The following PDLIM7 variants were observed in gnomAD, a reference collection of about 807,000 sequenced individuals.
PDLIM7 encodes the protein PDZ and LIM domain protein 7.
A neutral mutation model predicts 53.9 loss-of-function variants in PDLIM7; 37 were observed. The ratio of observed to expected loss-of-function variants is 0.69; its 90% CI spans 0.53 to 0.90. The LOEUF (loss-of-function observed/expected upper bound fraction) is 0.90. Ranked by LOEUF, PDLIM7 falls within the 40% of genes least tolerant of loss-of-function variation. The probability of loss-of-function intolerance (pLI) is 0.00; values close to 1 mark genes in which losing one functional copy is unlikely to be tolerated. For missense variants in PDLIM7, 617 were observed against 638.5 expected (o/e 0.97, Z 0.36); for synonymous variants, 300 against 261.3 (o/e 1.15, Z -1.43).
At chr5:177,493,732 T>C (rs1020529643) in intron 2 of PDLIM7, among the ~76,000 whole-genome samples, 2 of 151,538 alleles carry the variant, frequency 1.3e-5, no homozygotes, top group African/African-American at 2.4e-5. Context: ...GGTCCAAGCC[T>C]AAGGGACCAC....
In PDLIM7 at chr5:177,483,610, AG is replaced by A. The variant is rs1304830452; in HGVS notation, c.*33del. 6.7e-7 allele frequency: 1 copy of A among 1,495,730 alleles called. No homozygotes were observed. Among genetic ancestry groups the A allele is most frequent in the Admixed American group, 1.7e-5 (1 of 58,768 alleles). 92.7% of individuals were successfully genotyped at this position (1,495,730 alleles called of 1,614,324 possible). A position where few individuals can be genotyped will look rare whatever the true frequency, so the allele number is the denominator to read the frequency against. On this transcript the variant is annotated 3_prime_UTR_variant, in exon 13 of 13. Coordinates refer to ENST00000355841, the MANE Select transcript of PDLIM7 (RefSeq NM_005451.5). ...GCCACGACTCCAGGCCCCTCAGGCT[AG>A]GGGCCACCGCGGCAGCTGTGGGCAG...
Position 177,491,803 on chromosome 5 carries a change from G to A in PDLIM7, c.398+4C>T. 8.0e-7 allele frequency: 1 copy of A among 1,256,126 alleles called. No homozygotes were observed. Among genetic ancestry groups the A allele is most frequent in the Non-Finnish European group, 1.0e-6 (1 of 987,016 alleles). 77.8% of individuals were successfully genotyped at this position (1,256,126 alleles called of 1,614,324 possible). A position where few individuals can be genotyped will look rare whatever the true frequency, so the allele number is the denominator to read the frequency against. The stretch of plus-strand genomic sequence containing the variant: ...TGGGCGCGGGCGGGCAGGGGCCGAC[G>A]TACCCATTCTGCTGCGGGGCGCTGT... On this transcript the variant is annotated splice_donor_region_variant and intron_variant, in intron 5 of 12. Coordinates refer to ENST00000355841, the MANE Select transcript of PDLIM7 (RefSeq NM_005451.5).
At chr5:177,491,191 G>GT in intron 5 of PDLIM7, 45 bp from the exon 6 acceptor site, 1 of 1,552,780 alleles carries the variant, frequency 6.4e-7, no homozygotes, top group Non-Finnish European at 8.8e-7. Flanking sequence ...GGGGTGGGCG[G>GT]TGGGGGCAGC....
At chr5:177,486,516 T>G (rs1735353675) in intron 10 of PDLIM7, among the ~76,000 whole-genome samples, 1 of 152,114 alleles carries the variant, frequency 6.6e-6, no homozygotes, top group South Asian at 2.1e-4. Flanking sequence ...TGGTGTTGCC[T>G]GTTTTAGAGG....
rs761303908 is a variant in PDLIM7 at position 177,491,085 on chromosome 5, C to T, written c.460G>A (p.Asp154Asn). ...CCTGTCCCCGGCCGCGGCCGCCAGTCCTCTGTGTTCTCCATCAGCCGCTGC... is the reference window on the plus strand; with the variant it reads ...CCTGTCCCCGGCCGCGGCCGCCAGTTCTCTGTGTTCTCCATCAGCCGCTGC... ...SKQRLMENTE[D>N]WRPRPGTGQS... The change falls in exon 6 of 13, where the codon GAC becomes AAC. Residue 154 changes from aspartate (D) to asparagine (N), a missense_variant. Physicochemically the swap from Asp to Asn is conservative, Grantham distance 23. Transcript: ENST00000355841. 2 of 1,612,348 alleles carry T rather than the reference C, an allele frequency of 1.2e-6. No individual in the cohort carries two copies. The highest frequency in any genetic ancestry group is 2.2e-5 in the East Asian group (1 of 44,824).
Position 177,490,686 on chromosome 5 carries a change from A to T in PDLIM7, c.572+184T>A, listed in dbSNP as rs1012996042. 9 of 904,834 alleles carry T rather than the reference A, an allele frequency of 9.9e-6. No individual in the cohort carries two copies. In the South Asian group the frequency reaches 1.3e-4, roughly 13 times the overall value. 56.1% of individuals were successfully genotyped at this position (904,834 alleles called of 1,614,324 possible). ...GGAGGGAAGGAAGGAGGGAGGGAAG[A>T]AATGAAAGAAGGAAGGAAGGAGGAA... On this transcript the variant is annotated intron_variant, in intron 7 of 12. Transcript: ENST00000355841.
intron 10 of PDLIM7, among the ~76,000 whole-genome samples, chr5:177,486,627 G>A (rs965976193): frequency 1.4e-4 from 21 of 152,252 alleles, no homozygotes; most frequent in South Asian, 4.1e-4. Flanking sequence ...AAGGCTGGGA[G>A]GCAGATTTCT....
At chr5:177,484,295 T>A (rs1758328560) in intron 10 of PDLIM7, 105 bp from the exon 11 acceptor site, 2 of 1,404,114 alleles carry the variant, frequency 1.4e-6, no homozygotes, top group South Asian at 1.3e-5. Flanking sequence ...CTTCTCGCGG[T>A]AAACACTACA....
At chr5:177,495,422 CT>C (rs1759020960) in intron 2 of PDLIM7, among the ~76,000 whole-genome samples, 1 of 152,198 alleles carries the variant, frequency 6.6e-6, no homozygotes, top group Non-Finnish European at 1.5e-5. Context: ...GGGTGGGTCT[CT>C]TGGGGCAGGC....
chr5:177,492,352 G>T (rs1758839010), intron 4 of PDLIM7, 53 bp downstream of exon 4: 4 of 1,601,446 alleles, frequency 2.5e-6, no homozygotes, highest in African/African-American at 1.3e-5. Context: ...GAGCAGGCCT[G>T]GCCGTCCAAG....
At position 177,491,052 on chromosome 5, in the gene PDLIM7, G is replaced by A. The variant is rs750139323; in HGVS notation, c.493C>T (p.Arg165Cys). The change falls in exon 6 of 13, where the codon CGT becomes TGT. Residue 165 changes from arginine to cysteine, a missense_variant. Transcript: ENST00000355841. Reference protein sequence around the residue: ...WRPRPGTGQSRSFRILAHLTG... With the variant: ...WRPRPGTGQSCSFRILAHLTG... Reference sequence around the variant, plus strand: ...AGGTGGGCAAGGATGCGGAAGGAACGCGACTGGCCTGTCCCCGGCCGCGGC... The same window carrying A: ...AGGTGGGCAAGGATGCGGAAGGAACACGACTGGCCTGTCCCCGGCCGCGGC... 2.4e-5 allele frequency: 39 copies of A among 1,612,046 alleles called. No homozygotes were observed. Among genetic ancestry groups the A allele is most frequent in the Non-Finnish European group, 2.8e-5 (33 of 1,179,338 alleles).
intron 5 of PDLIM7, 110 bp from the exon 6 acceptor site, chr5:177,491,256 G>T (rs2127413378): frequency 1.4e-6 from 2 of 1,439,472 alleles, no homozygotes; most frequent in Admixed American, 4.0e-5. Context: ...GAGGGAGTGG[G>T]TAAGGGTGAG....
intron 10 of PDLIM7, among the ~76,000 whole-genome samples, chr5:177,487,215 AGCCACTGCATCG>A (rs1247513486): frequency 6.6e-6 from 1 of 152,156 alleles, no homozygotes; most frequent in Non-Finnish European, 1.5e-5. Context: ...TACAAGCATC[AGCCACTGCATCG>A]GCCACTCTCC....
intron 10 of PDLIM7, among the ~76,000 whole-genome samples, chr5:177,486,876 CCA>C (rs1561699742): frequency 5.3e-5 from 8 of 150,134 alleles, no homozygotes; most frequent in Admixed American, 2.7e-4. Flanking sequence ...CGTGATCCGC[CCA>C]TCTCGGCCTC....
At chr5:177,484,048 A>T (rs1554105471) in intron 11 of PDLIM7, 22 bp downstream of exon 11, 2 of 1,613,502 alleles carry the variant, frequency 1.2e-6, no homozygotes, top group East Asian at 2.2e-5. Flanking sequence ...ATCCCTCCTC[A>T]CCCTCACTGG....
At chr5:177,485,252 T>C (rs1561698409) in intron 10 of PDLIM7, among the ~76,000 whole-genome samples, 3 of 152,158 alleles carry the variant, frequency 2.0e-5, no homozygotes, top group South Asian at 2.1e-4. Context: ...GCCTGGCCCT[T>C]TGTGGGTGAG....
chr5:177,493,330 C>A (rs762150842), intron 2 of PDLIM7, among the ~76,000 whole-genome samples: 5 of 152,218 alleles, frequency 3.3e-5, no homozygotes, highest in Non-Finnish European at 5.9e-5. Flanking sequence ...ACATGGCTGT[C>A]ACTCCCAAGC....
At position 177,484,120 on chromosome 5, in the gene PDLIM7, A is replaced by T. The variant is rs1255600541; in HGVS notation, c.1121T>A (p.Ile374Asn). The T allele has an allele frequency of 6.8e-6, 11 of 1,613,792 alleles. No individual in the cohort carries two copies. Among genetic ancestry groups the T allele is most frequent in the Non-Finnish European group, 9.3e-6 (11 of 1,179,990 alleles). Reference protein sequence around the residue: ...CFTCAACKTPIRNRAFYMEEG... With the variant: ...CFTCAACKTPNRNRAFYMEEG... ...CTCCATGTAGAAGGCCCTGTTCCGGATGGGCGTCTTGCAGGCAGCACAGGT... is the reference window on the plus strand; with the variant it reads ...CTCCATGTAGAAGGCCCTGTTCCGGTTGGGCGTCTTGCAGGCAGCACAGGT... The change falls in exon 11 of 13, where the codon ATC becomes AAC. Residue 374 changes from isoleucine (I) to asparagine (N), a missense_variant. Coordinates refer to ENST00000355841, the MANE Select transcript of PDLIM7 (RefSeq NM_005451.5).
intron 11 of PDLIM7, 32 bp from the exon 12 acceptor site, chr5:177,484,014 G>A: frequency 1.9e-6 from 3 of 1,613,394 alleles, no homozygotes; most frequent in Non-Finnish European, 2.5e-6. Context: ...AAGAGGACCT[G>A]GATTCATGCC....
Sources: allele counts gnomAD v4.1 joint callset (sites outside exome capture counted in the v4.1 genomes callset), GRCh38; gene constraint gnomAD v4.1.1; transcripts MANE v1.5; gene names NCBI Gene and HGNC (gene_info 2026-07-23, HGNC 2026-07-21).